The following DPP10 variants were observed in gnomAD, a reference collection of about 807,000 sequenced individuals.
DPP10 encodes dipeptidyl peptidase like 10.
DPP10 carries 33 observed loss-of-function variants against 120.9 expected under a neutral mutation model. The ratio of observed to expected loss-of-function variants is 0.27; its 90% confidence interval spans 0.21 to 0.37. The LOEUF (loss-of-function observed/expected upper bound fraction) is 0.37, where lower values mean the gene tolerates loss of function less well. Among genes scored for constraint, DPP10 ranks in the 10% least tolerant of loss-of-function variants. The pLI is 1.00. For synonymous variants in DPP10, 337 were observed against 326.1 expected (o/e 1.03, Z -0.36); for missense variants, 816 against 942.8 (o/e 0.87, Z 1.76).
intron 1 of DPP10, among the ~76,000 whole-genome samples, chr2:114,921,067 T>G (rs2106636440): frequency 6.6e-6 from 1 of 152,322 alleles, no homozygotes; most frequent in South Asian, 2.1e-4. Flanking sequence ...AATGATAAAC[T>G]AACAAATAAA....
chr2:114,506,628 G>C (rs1683682392), intron 1 of DPP10, among the ~76,000 whole-genome samples: 1 of 152,084 alleles, frequency 6.6e-6, no homozygotes, highest in Non-Finnish European at 1.5e-5. Context: ...TGTGGGGTCT[G>C]CACAAAGTTT....
At chr2:114,732,759 G>A (rs77129860) in intron 1 of DPP10, among the ~76,000 whole-genome samples, 1 of 152,164 alleles carries the variant, frequency 6.6e-6, no homozygotes, top group Non-Finnish European at 1.5e-5. Context: ...ATGGCCGATA[G>A]TATACTCTTA....
intron 1 of DPP10, among the ~76,000 whole-genome samples, chr2:114,899,766 G>T (rs989814075): frequency 6.6e-6 from 1 of 152,054 alleles, no homozygotes; most frequent in Admixed American, 6.5e-5. Context: ...GACCATCCTG[G>T]CTAACATGGT....
At chr2:115,383,994 TAG>T (rs1439127191) in intron 3 of DPP10, among the ~76,000 whole-genome samples, 1 of 152,160 alleles carries the variant, frequency 6.6e-6, no homozygotes, top group African/African-American at 2.4e-5. Flanking sequence ...CAAACCTAAT[TAG>T]AATACTGCCT....
intron 8 of DPP10, among the ~76,000 whole-genome samples, chr2:115,729,307 C>T (rs557984273): frequency 6.6e-6 from 1 of 152,104 alleles, no homozygotes; most frequent in Non-Finnish European, 1.5e-5. Context: ...GAGACTAAGA[C>T]GTGCCCTTTT....
At chr2:114,739,199 G>A (rs573313702) in intron 1 of DPP10, among the ~76,000 whole-genome samples, 4 of 152,306 alleles carry the variant, frequency 2.6e-5, no homozygotes, top group Admixed American at 2.6e-4. Context: ...CCATGGAGGA[G>A]TTTCTTTGAG....
At position 114,443,296 on chromosome 2, in the gene DPP10, G is replaced by A. The variant is rs562479120; in HGVS notation, c.60+458G>A. Among the ~76,000 whole-genome samples the A allele has an allele frequency of 1.4e-4, 22 of 152,182 alleles. No individual in the cohort carries two copies. In the East Asian group the frequency reaches 3.3e-3, roughly 23 times the overall value. On this transcript the variant is annotated intron_variant, in intron 1 of 25. Transcript: ENST00000410059. ...ATCCTTCATTGTGAGCATTGAACTG[G>A]TGGTTATACTAAAGTGATTATAGTG...
At chr2:114,736,015 C>T (rs1317350673) in intron 1 of DPP10, among the ~76,000 whole-genome samples, 2 of 151,992 alleles carry the variant, frequency 1.3e-5, no homozygotes, top group Non-Finnish European at 2.9e-5. Flanking sequence ...TACTTAGATG[C>T]TAGTAGTGAA....
At chr2:115,354,176 T>C (rs1173165187) in intron 3 of DPP10, among the ~76,000 whole-genome samples, 2 of 152,166 alleles carry the variant, frequency 1.3e-5, no homozygotes, top group South Asian at 2.1e-4. Context: ...ACTTTTATTT[T>C]AGATTCAGGG....
intron 1 of DPP10, among the ~76,000 whole-genome samples, chr2:115,272,906 G>A (rs1466721034): frequency 6.6e-6 from 1 of 152,162 alleles, no homozygotes; most frequent in East Asian, 1.9e-4. Context: ...GATGAAAAAC[G>A]CTTCATAATC....
chr2:115,760,570 T>C (rs1444806260), intron 11 of DPP10, among the ~76,000 whole-genome samples: 1 of 152,182 alleles, frequency 6.6e-6, no homozygotes, highest in African/African-American at 2.4e-5. Context: ...ATTTAAATGG[T>C]CTGTGAAGGA....
intron 10 of DPP10, chr2:115,750,276 G>A (rs1678537124): frequency 1.1e-6 from 1 of 881,690 alleles, no homozygotes; most frequent in African/African-American, 1.8e-5. Context: ...GAATCACAGG[G>A]AGATGTACAC....
At chr2:115,521,897 T>A (rs2077833058) in intron 4 of DPP10, among the ~76,000 whole-genome samples, 1 of 152,156 alleles carries the variant, frequency 6.6e-6, no homozygotes, top group African/African-American at 2.4e-5. Flanking sequence ...GCATACTTCA[T>A]ACATAATAGC....
At chr2:114,709,888 G>A (rs1700913638) in intron 1 of DPP10, among the ~76,000 whole-genome samples, 1 of 152,122 alleles carries the variant, frequency 6.6e-6, no homozygotes, top group African/African-American at 2.4e-5. Flanking sequence ...AGCTTTAAGG[G>A]GAAATTGAGT....
intron 1 of DPP10, chr2:114,706,992 G>A (rs1425702726): frequency 6.6e-6 from 1 of 152,120 alleles, no homozygotes; most frequent in African/African-American, 2.4e-5. Context: ...GGCCCTCCCT[G>A]GGTCTGTGGG....
chr2:115,086,677 C>T (rs974943092), intron 1 of DPP10, among the ~76,000 whole-genome samples: 6 of 152,046 alleles, frequency 3.9e-5, no homozygotes, highest in Admixed American at 2.6e-4. Flanking sequence ...AGGAAGGTCT[C>T]GATCTCCTGA....
intron 1 of DPP10, among the ~76,000 whole-genome samples, chr2:115,125,650 C>A (rs1204785909): frequency 1.4e-5 from 2 of 145,598 alleles, no homozygotes; most frequent in African/African-American, 5.1e-5. Context: ...TGGCTTACGG[C>A]AAGCGCCTCC....
chr2:114,511,395 A>G (rs571726666), intron 1 of DPP10, among the ~76,000 whole-genome samples: 2 of 152,342 alleles, frequency 1.3e-5, no homozygotes, highest in South Asian at 4.1e-4. Context: ...TGTGCTAAAT[A>G]CAGACAGAAC....
intron 3 of DPP10, among the ~76,000 whole-genome samples, chr2:115,433,411 G>A (rs1460415018): frequency 6.6e-6 from 1 of 151,906 alleles, no homozygotes; most frequent in Non-Finnish European, 1.5e-5. Flanking sequence ...AGCTATTTGT[G>A]TGTATGTGTG....
Sources: gnomAD v4.1 joint callset for allele counts (sites outside exome capture counted in the v4.1 genomes callset) on GRCh38, gnomAD v4.1.1 for gene constraint, MANE v1.5 for transcripts, NCBI Gene and HGNC (gene_info 2026-07-23, HGNC 2026-07-21) for gene names.